The following CHD6 variants were observed in gnomAD, a reference collection of about 807,000 sequenced individuals.
CHD6 encodes chromodomain helicase DNA binding protein 6, also known as ATP-dependent chromatin remodeler CHD6.
In CHD6, 50 loss-of-function variants were observed where a neutral mutation model predicts 276.9. That is an observed-to-expected ratio of 0.18 (90% confidence interval 0.14 to 0.23). CHD6 has a LOEUF of 0.23. Among genes scored for constraint, CHD6 ranks in the 10% least tolerant of loss-of-function variants. CHD6 has a pLI of 1.00. For missense variants in CHD6, 2,564 were observed against 3,365.8 expected, an observed-to-expected ratio of 0.76 and a Z score of 5.89; for synonymous variants, 1,173 against 1,229.3, an observed-to-expected ratio of 0.95 and a Z score of 0.96.
chr20:41,419,260 A>G (rs2047101598), intron 31 of CHD6, among the ~76,000 whole-genome samples: 3 of 152,084 alleles, frequency 2.0e-5, no homozygotes, highest in Admixed American at 6.6e-5. Flanking sequence ...ACTAAAACCA[A>G]GACGAGGAGT....
chr20:41,431,884 C>T (rs1285826080), intron 27 of CHD6, among the ~76,000 whole-genome samples: 2 of 148,518 alleles, frequency 1.3e-5, no homozygotes, highest in East Asian at 2.1e-4. Context: ...ACCTTCCGGG[C>T]GCGGTGGCTC....
At chr20:41,613,242 A>T (rs2045905542) in intron 1 of CHD6, among the ~76,000 whole-genome samples, 1 of 152,224 alleles carries the variant, frequency 6.6e-6, no homozygotes, top group African/African-American at 2.4e-5. Context: ...GGCTTCTTTT[A>T]ATTCTTCTTC....
chr20:41,491,658 C>T (rs373775389), intron 11 of CHD6, 40 bp downstream of exon 11: 124 of 1,612,638 alleles, frequency 7.7e-5, no homozygotes, highest in Non-Finnish European at 9.8e-5. Context: ...CAATAATATA[C>T]CTCTGGGTAC....
Position 41,556,773 on chromosome 20 carries a change from A to G in CHD6, c.-23-5413T>C, listed in dbSNP as rs116280529. ...CGTCATCAACATCAATAGGTGTTCAATAAGCATTTATTGATTTGTCCTTCT... is the reference window on the plus strand; with the variant it reads ...CGTCATCAACATCAATAGGTGTTCAGTAAGCATTTATTGATTTGTCCTTCT... On this transcript the variant is annotated intron_variant, in intron 1 of 36. Coordinates refer to ENST00000373233, the MANE Select transcript of CHD6 (RefSeq NM_032221.5). Among the ~76,000 whole-genome samples, 852 of 152,340 alleles carry G rather than the reference A, an allele frequency of 5.6e-3. 8 individuals are homozygous for G. Among genetic ancestry groups the G allele is most frequent in the Middle Eastern group, 0.024 (7 of 294 alleles).
At chr20:41,574,518 G>A (rs13044009) in intron 1 of CHD6, among the ~76,000 whole-genome samples, 362 of 152,206 alleles carry the variant, frequency 2.4e-3, no homozygotes, top group Non-Finnish European at 4.4e-3. Flanking sequence ...TACTTTATCA[G>A]GTTAAAGTAG....
At chr20:41,407,998 T>C (rs1014714297) in intron 36 of CHD6, among the ~76,000 whole-genome samples, 8 of 152,212 alleles carry the variant, frequency 5.3e-5, no homozygotes, top group African/African-American at 1.4e-4. Flanking sequence ...TATCTGAATG[T>C]TTCTGAGTCC....
intron 27 of CHD6, among the ~76,000 whole-genome samples, chr20:41,435,730 C>G (rs1368292816): frequency 6.6e-6 from 1 of 152,060 alleles, no homozygotes; most frequent in Non-Finnish European, 1.5e-5. Context: ...TATCAAAATC[C>G]CAGCAACAGT....
intron 25 of CHD6, among the ~76,000 whole-genome samples, chr20:41,442,351 C>T (rs6102416): frequency 6.6e-6 from 1 of 152,076 alleles, no homozygotes; most frequent in Admixed American, 6.5e-5. Context: ...ACTTGGGAGG[C>T]TGAGGTGGAC....
chr20:41,530,869 A>G (rs1445744309), intron 3 of CHD6, among the ~76,000 whole-genome samples: 1 of 152,186 alleles, frequency 6.6e-6, no homozygotes, highest in East Asian at 1.9e-4. Flanking sequence ...CTAAACCTCA[A>G]AAGGTTCTGC....
rs866134235 is a variant in CHD6 at position 41,490,264 on chromosome 20, C to T, written c.1437-243G>A. Among the ~76,000 whole-genome samples the T allele has an allele frequency of 5.9e-5, 9 of 152,200 alleles. No individual in the cohort carries two copies. The Middle Eastern group carries it at 0.014, about 230-fold the overall frequency. On this transcript the variant is annotated intron_variant, in intron 11 of 36. Transcript: ENST00000373233. ...GTCACTTAAGGATGGGGTCACACTC[C>T]GAGAAACGCATCACTGCGTGACTGT...
intron 2 of CHD6, among the ~76,000 whole-genome samples, chr20:41,548,127 T>A (rs938408353): frequency 1.3e-5 from 2 of 152,246 alleles, no homozygotes; most frequent in African/African-American, 4.8e-5. Flanking sequence ...AACTTGAACA[T>A]CATTTTCTAT....
At position 41,455,769 on chromosome 20, in the gene CHD6, C is replaced by T. The variant is rs761528655; in HGVS notation, c.3009+31G>A. 50 of 1,391,636 alleles carry T rather than the reference C, an allele frequency of 3.6e-5. 1 individual carries two copies. In the South Asian group the frequency reaches 8.1e-4, roughly 23 times the overall value. The allele number at this position is 1,391,636 out of a possible 1,614,324, so 86.2% of individuals were successfully genotyped here. A position where few individuals can be genotyped will look rare whatever the true frequency, so the allele number is the denominator to read the frequency against. ...ATAAACATTTTTTTTTCTCTCCCAC[C>T]CCCAACAGCTCTGGAGAGAAGGCCC... is the stretch of plus-strand genomic sequence containing the variant. On this transcript the variant is annotated intron_variant, in intron 19 of 36. Transcript: ENST00000373233.
chr20:41,552,805 G>A lies in CHD6; in HGVS notation c.-23-1445C>T, dbSNP rs117177014. 2.6e-4 allele frequency among the ~76,000 whole-genome samples: 40 copies of A among 152,252 alleles called. No individual in the cohort carries two copies. The East Asian group carries it at 3.5e-3, about 13-fold the overall frequency. On this transcript the variant is annotated intron_variant, in intron 1 of 36. Coordinates refer to ENST00000373233, the MANE Select transcript of CHD6 (RefSeq NM_032221.5). ...TACTGCTGTTTGCAAAGAGTGCAGCGGCCAAGGAGGTAAGTAGTTGGAAAG... is the reference window on the plus strand; with the variant it reads ...TACTGCTGTTTGCAAAGAGTGCAGCAGCCAAGGAGGTAAGTAGTTGGAAAG...
chr20:41,485,791 G>C (rs2043399257), intron 14 of CHD6: 1 of 152,114 alleles, frequency 6.6e-6, no homozygotes, highest in South Asian at 2.1e-4. Context: ...GGTGACTACA[G>C]TTAATAACAA....
Position 41,484,353 on chromosome 20 carries a change from A to G in CHD6, c.2256T>C (p.Asn752=), listed in dbSNP as rs1328873343. The stretch of plus-strand genomic sequence containing the variant: ...TACTTCCTAGTGCCCCTGACTCACC[A>G]TTGATCAGGTAGGGATGGTTACAGC... ...RKCCNHPYLI[N]GAEEKILEDF... The change falls in exon 15 of 37, where the codon AAT becomes AAC. Residue 752 remains asparagine (N), a splice_region_variant and synonymous_variant. Coordinates refer to ENST00000373233, the MANE Select transcript of CHD6 (RefSeq NM_032221.5). The G allele has an allele frequency of 1.2e-6, 2 of 1,613,698 alleles. No individual in the cohort carries two copies. The highest frequency in any genetic ancestry group is 1.7e-6 in the Non-Finnish European group (2 of 1,179,732).
chr20:41,477,934 A>G (rs567279962), intron 16 of CHD6, among the ~76,000 whole-genome samples: 1 of 152,364 alleles, frequency 6.6e-6, no homozygotes, highest in East Asian at 1.9e-4. Context: ...TCTAGAAGAT[A>G]CTAACCACAG....
chr20:41,556,379 C>T (rs1430313610), intron 1 of CHD6, among the ~76,000 whole-genome samples: 1 of 137,182 alleles, frequency 7.3e-6, no homozygotes, highest in Non-Finnish European at 1.5e-5. Context: ...TTAACTGTTT[C>T]AAGCTTTCTG....
At chr20:41,532,973 G>C (rs1373970378) in intron 3 of CHD6, 77 bp downstream of exon 3, 1 of 1,482,070 alleles carries the variant, frequency 6.7e-7, no homozygotes, top group Non-Finnish European at 9.0e-7. Flanking sequence ...TATGCCTAGG[G>C]GCTTGGGCTA....
At chr20:41,462,482 G>A (rs952686412) in intron 17 of CHD6, among the ~76,000 whole-genome samples, 39 of 152,170 alleles carry the variant, frequency 2.6e-4, no homozygotes, top group African/African-American at 8.0e-4. Flanking sequence ...GTAGTTGCAA[G>A]GTTAGCAATC....
Sources: allele counts gnomAD v4.1 joint callset (sites outside exome capture counted in the v4.1 genomes callset), GRCh38; gene constraint gnomAD v4.1.1; transcripts MANE v1.5; gene names NCBI Gene and HGNC (gene_info 2026-07-23, HGNC 2026-07-21).